Variants in AMER2 observed in about 807,000 individuals in gnomAD.
The protein encoded by AMER2 is family with sequence similarity 123A.
Under a neutral mutation model 4.7 loss-of-function variants are expected in AMER2, and 1 was observed. That is an observed-to-expected ratio of 0.21 (90% CI 0.07 to 1.00). The LOEUF is 1.00. Among genes scored for constraint, AMER2 ranks in the 50% least tolerant of loss-of-function variants. The probability of loss-of-function intolerance (pLI) is 0.60; values close to 1 mark genes in which losing one functional copy is unlikely to be tolerated. For synonymous variants in AMER2, 485 were observed against 433.3 expected, an observed-to-expected ratio of 1.12 and a Z score of -1.48; for missense variants, 988 against 966.9, an observed-to-expected ratio of 1.02 and a Z score of -0.29.
At position 25,171,702 on chromosome 13, in the gene AMER2, C is replaced by T; in HGVS notation, c.-83G>A. ...CACCCGTATTCTAAATCAACCTGAG[C>T]CGCGCTCGCCGCCGCCGCTGCAAAA... is the stretch of plus-strand genomic sequence containing the variant. On this transcript the variant is annotated 5_prime_UTR_variant, in exon 1 of 1. Coordinates refer to ENST00000515384, the MANE Select transcript of AMER2 (RefSeq NM_152704.4). The surrounding 1 kb of genome is among the most constrained non-coding windows in gnomAD (Gnocchi z 5.9). 1 of 1,411,828 alleles carries T rather than the reference C, an allele frequency of 7.1e-7. No individual in the cohort carries two copies. Among genetic ancestry groups the T allele is most frequent in the East Asian group, 2.8e-5 (1 of 36,270 alleles). 87.5% of individuals were successfully genotyped at this position (1,411,828 alleles called of 1,614,324 possible).
Position 25,170,920 on chromosome 13 carries a change from G to A in AMER2, c.700C>T (p.Leu234=). The A allele has an allele frequency of 6.7e-7, 1 of 1,486,282 alleles. No individual in the cohort carries two copies. 92.1% of individuals were successfully genotyped at this position (1,486,282 alleles called of 1,614,324 possible). ...LILPGSLTAS[L]ECVKEETPRA... ...GGCGTCTCCTCCTTGACGCACTCCA[G>A]GCTGGCGGTGAGCGAGCCGGGTAGG... Residue 234 remains leucine (L), a synonymous_variant, in exon 1 of 1, where the codon CTG becomes TTG. Transcript: ENST00000515384. This position sits in a 1 kb window ranked among gnomAD's most constrained non-coding sequence, Gnocchi z 7.3.
rs1381486378 is a variant in AMER2 at position 25,165,915 on chromosome 13, G to A, written c.*3689C>T. The stretch of plus-strand genomic sequence containing the variant: ...GTCACTGCTGTCTGAGGGCACTTAG[G>A]AGACATGAGCTGCCTGAGTGGATCT... On this transcript the variant is annotated 3_prime_UTR_variant, in exon 1 of 1. Transcript: ENST00000515384. 1 of 152,250 alleles carries A rather than the reference G, an allele frequency of 6.6e-6. No homozygotes were observed. Among genetic ancestry groups the A allele is most frequent in the Non-Finnish European group, 1.5e-5 (1 of 68,042 alleles). The allele number at this position is 152,250 out of a possible 1,614,324, so 9.4% of individuals were successfully genotyped here. A position where few individuals can be genotyped will look rare whatever the true frequency, so the allele number is the denominator to read the frequency against.
In AMER2 at chr13:25,168,515, C is replaced by A. The variant is rs1024936949; in HGVS notation, c.*1089G>T. The A allele has an allele frequency of 6.7e-6, 1 of 148,844 alleles. No individual in the cohort carries two copies. Among genetic ancestry groups the A allele is most frequent in the Non-Finnish European group, 1.5e-5 (1 of 67,336 alleles). 9.2% of individuals were successfully genotyped at this position (148,844 alleles called of 1,614,324 possible). ...GAGCCATTCCTCTGGGACACCAGCA[C>A]AATAGATTTTTTTTTTTTTTGAGAA... On this transcript the variant is annotated 3_prime_UTR_variant, in exon 1 of 1. Transcript: ENST00000515384.
In AMER2 at chr13:25,169,785, A is replaced by T; in HGVS notation, c.1835T>A (p.Ile612Asn). The T allele has an allele frequency of 6.2e-7, 1 of 1,614,138 alleles. No homozygotes were observed. The highest frequency in any genetic ancestry group is 8.5e-7 in the Non-Finnish European group (1 of 1,180,010). ...AGATGGAAGGTTGGTCAGGTGCTTG[A>T]TGCTAATAGGGATCTTAGAGTCCTT... ...LLKDSKIPIS[I>N]KHLTNLPSSH... Residue 612 changes from isoleucine (I) to asparagine (N), a missense_variant, in exon 1 of 1, where the codon ATC becomes AAC. By Grantham distance (149) the Ile-to-Asn change is moderately radical. Coordinates refer to ENST00000515384, the MANE Select transcript of AMER2 (RefSeq NM_152704.4). This position sits in a 1 kb window ranked among gnomAD's most constrained non-coding sequence, Gnocchi z 4.2.
rs1255933626 is a variant in AMER2, at chr13:25,171,593, G to A, written c.27C>T (p.Gly9=). The part of the protein sequence containing the change: METSRSRG[G]GGAVSERGGA... ...CGCCGCGCTCGCTGACAGCCCCGCC[G>A]CCGCCGCGGCTCCGGCTCGTCTCCA... Residue 9 remains glycine, a synonymous_variant, in exon 1 of 1, where the codon GGC becomes GGT. Transcript: ENST00000515384. The surrounding 1 kb of genome is among the most constrained non-coding windows in gnomAD (Gnocchi z 5.9). 9.4e-5 allele frequency: 141 copies of A among 1,501,678 alleles called. No homozygotes were observed. The highest frequency in any genetic ancestry group is 1.1e-4 in the Non-Finnish European group (129 of 1,139,368). 93.0% of individuals were successfully genotyped at this position (1,501,678 alleles called of 1,614,324 possible).
In AMER2 at chr13:25,164,042, T is replaced by G. The variant is rs1338292920; in HGVS notation, c.*5562A>C. Reference sequence around the variant, plus strand: ...ATCACTTGAACCTGGGAGGTGGAGGTTATAGTGAGCCGAGATCAAGCCACT... The same window carrying G: ...ATCACTTGAACCTGGGAGGTGGAGGGTATAGTGAGCCGAGATCAAGCCACT... On this transcript the variant is annotated 3_prime_UTR_variant, in exon 1 of 1. Transcript: ENST00000515384. 4.8e-5 allele frequency: 7 copies of G among 145,830 alleles called. No homozygotes were observed. Among genetic ancestry groups the G allele is most frequent in the Admixed American group, 4.8e-4 (7 of 14,666 alleles). The allele number at this position is 145,830 out of a possible 1,614,324, so 9.0% of individuals were successfully genotyped here.
chr13:25,171,538 T>C lies in AMER2; in HGVS notation c.82A>G (p.Arg28Gly), dbSNP rs1297221272. Reference protein sequence around the residue: ...GAGASVGVCRRKAEAGAGTGT... With the variant: ...GAGASVGVCRGKAEAGAGTGT... Reference sequence around the variant, plus strand: ...GTCCCGGCCCCGGCCTCCGCCTTCCTCCTGCAGACCCCCACGGACGCGCCA... The same window carrying C: ...GTCCCGGCCCCGGCCTCCGCCTTCCCCCTGCAGACCCCCACGGACGCGCCA... The change falls in exon 1 of 1, where the codon AGG becomes GGG. Residue 28 changes from arginine to glycine, a missense_variant. Arg to Gly is a moderately radical substitution (Grantham distance 125). Coordinates refer to ENST00000515384, the MANE Select transcript of AMER2 (RefSeq NM_152704.4). This position sits in a 1 kb window ranked among gnomAD's most constrained non-coding sequence, Gnocchi z 5.9. The C allele has an allele frequency of 1.3e-6, 2 of 1,587,972 alleles. No individual in the cohort carries two copies. Among genetic ancestry groups the C allele is most frequent in the Non-Finnish European group, 1.7e-6 (2 of 1,173,736 alleles).
rs892512187 is a variant in AMER2, at chr13:25,166,682, T to C, written c.*2922A>G. The C allele has an allele frequency of 9.2e-5, 14 of 152,194 alleles. No individual in the cohort carries two copies. Among genetic ancestry groups the C allele is most frequent in the African/African-American group, 3.1e-4 (13 of 41,442 alleles). 9.4% of individuals were successfully genotyped at this position (152,194 alleles called of 1,614,324 possible). On this transcript the variant is annotated 3_prime_UTR_variant, in exon 1 of 1. Coordinates refer to ENST00000515384, the MANE Select transcript of AMER2 (RefSeq NM_152704.4). ...CCTTCCCTTAAAAAGTCAGCAAATA[T>C]GGGCCTGAATAATCTTCACAAGGTC...
rs1461663933 is a variant in AMER2, at chr13:25,171,756, C to T, written c.-137G>A. ...ACACACATAAAAGACCATCTTCCCT[C>T]CCGCAAGGGCTTATATAATACCCTA... On this transcript the variant is annotated 5_prime_UTR_variant, in exon 1 of 1. Transcript: ENST00000515384. This position sits in a 1 kb window ranked among gnomAD's most constrained non-coding sequence, Gnocchi z 5.9. The T allele has an allele frequency of 2.1e-6, 3 of 1,400,348 alleles. No individual in the cohort carries two copies. The highest frequency in any genetic ancestry group is 9.2e-7 in the Non-Finnish European group (1 of 1,086,298). The allele number at this position is 1,400,348 out of a possible 1,614,324, so 86.7% of individuals were successfully genotyped here. A position where few individuals can be genotyped will look rare whatever the true frequency, so the allele number is the denominator to read the frequency against.
In AMER2 at chr13:25,165,964, G is replaced by A. The variant is rs1190696944; in HGVS notation, c.*3640C>T. Reference sequence around the variant, plus strand: ...CTCTTCACACCAAGCTAACAGTCAAGAGTTGCCTTTAAAATTAATCTGACA... The same window carrying A: ...CTCTTCACACCAAGCTAACAGTCAAAAGTTGCCTTTAAAATTAATCTGACA... On this transcript the variant is annotated 3_prime_UTR_variant, in exon 1 of 1. Coordinates refer to ENST00000515384, the MANE Select transcript of AMER2 (RefSeq NM_152704.4). The A allele has an allele frequency of 6.6e-6, 1 of 152,234 alleles. No homozygotes were observed. The highest frequency in any genetic ancestry group is 2.4e-5 in the African/African-American group (1 of 41,454). 9.4% of individuals were successfully genotyped at this position (152,234 alleles called of 1,614,324 possible). A position where few individuals can be genotyped will look rare whatever the true frequency, so the allele number is the denominator to read the frequency against.
Position 25,162,290 on chromosome 13 carries a change from G to T in AMER2, c.*7314C>A, listed in dbSNP as rs963304417. ...CACTGAGATACTTTATATAAATAAC[G>T]TGGGCGAAACCTGAAGTTCACAATG... On this transcript the variant is annotated 3_prime_UTR_variant, in exon 1 of 1. Coordinates refer to ENST00000515384, the MANE Select transcript of AMER2 (RefSeq NM_152704.4). 1.3e-5 allele frequency: 2 copies of T among 151,996 alleles called. No homozygotes were observed. The highest frequency in any genetic ancestry group is 2.9e-5 in the Non-Finnish European group (2 of 68,022). 9.4% of individuals were successfully genotyped at this position (151,996 alleles called of 1,614,324 possible). A position where few individuals can be genotyped will look rare whatever the true frequency, so the allele number is the denominator to read the frequency against.
rs762081051 is a variant in AMER2, at chr13:25,169,846, T to G, written c.1774A>C (p.Ile592Leu). 3.1e-6 allele frequency: 5 copies of G among 1,613,980 alleles called. No homozygotes were observed. The South Asian group carries it at 5.5e-5, about 18-fold the overall frequency. The change falls in exon 1 of 1, where the codon ATC becomes CTC. Residue 592 changes from isoleucine (I) to leucine (L), a missense_variant. Ile to Leu is a conservative substitution (Grantham distance 5, BLOSUM62 2). Transcript: ENST00000515384. The surrounding 1 kb of genome is among the most constrained non-coding windows in gnomAD (Gnocchi z 4.2). ...SRLKPVSPGT[I>L]TCPLRTPGSL... is the part of the protein sequence containing the mutation. ...CCTGGTGTTCGCAGTGGACAGGTGA[T>G]GGTGCCTGGAGATACGGGCTTTAAC...
Position 25,170,876 on chromosome 13 carries a change from C to A in AMER2, c.744G>T (p.Pro248=). 1 of 1,457,736 alleles carries A rather than the reference C, an allele frequency of 6.9e-7. No individual in the cohort carries two copies. The highest frequency in any genetic ancestry group is 9.0e-7 in the Non-Finnish European group (1 of 1,113,176). The allele number at this position is 1,457,736 out of a possible 1,614,324, so 90.3% of individuals were successfully genotyped here. Residue 248 remains proline (P), a synonymous_variant, in exon 1 of 1, where the codon CCG becomes CCT. Transcript: ENST00000515384. The surrounding 1 kb of genome is among the most constrained non-coding windows in gnomAD (Gnocchi z 7.3). ...KEETPRAARE[P]EEPSQDAPRD... is the part of the protein sequence containing the mutation. The stretch of plus-strand genomic sequence containing the variant: ...GCGGGGCGTCCTGGCTGGGCTCCTC[C>A]GGCTCGCGCGCGGCTCTGGGCGTCT...
Position 25,170,409 on chromosome 13 carries a change from C to T in AMER2, c.1211G>A (p.Gly404Asp), listed in dbSNP as rs766770768. The T allele has an allele frequency of 1.2e-6, 2 of 1,614,102 alleles. No individual in the cohort carries two copies. Among genetic ancestry groups the T allele is most frequent in the Non-Finnish European group, 1.7e-6 (2 of 1,179,988 alleles). ...PSCDKHVPGP[G>D]KPALSKKNPG... ...GTTCTTTTTAGACAGAGCCGGCTTG[C>T]CTGGCCCGGGGACATGCTTGTCACA... The change falls in exon 1 of 1, where the codon GGC becomes GAC. Residue 404 changes from glycine (G) to aspartate (D), a missense_variant. Transcript: ENST00000515384. This position sits in a 1 kb window ranked among gnomAD's most constrained non-coding sequence, Gnocchi z 7.3.
rs1332393165 is a variant in AMER2, at chr13:25,170,319, G to T, written c.1301C>A (p.Thr434Asn). The T allele has an allele frequency of 6.2e-7, 1 of 1,613,900 alleles. No homozygotes were observed. The highest frequency in any genetic ancestry group is 2.2e-5 in the East Asian group (1 of 44,828). The change falls in exon 1 of 1, where the codon ACC (threonine) becomes AAC (asparagine). Residue 434 changes from threonine to asparagine, a missense_variant. Physicochemically the swap from Thr to Asn is moderately conservative, Grantham distance 65. Coordinates refer to ENST00000515384, the MANE Select transcript of AMER2 (RefSeq NM_152704.4). This position sits in a 1 kb window ranked among gnomAD's most constrained non-coding sequence, Gnocchi z 7.3. Reference protein sequence around the residue: ...EMASPDEVDDTYLQEFWDMLS... With the variant: ...EMASPDEVDDNYLQEFWDMLS... ...CATGTCCCAGAACTCCTGTAGATAGGTGTCGTCCACCTCGTCCGGGCTGGC... is the reference window on the plus strand; with the variant it reads ...CATGTCCCAGAACTCCTGTAGATAGTTGTCGTCCACCTCGTCCGGGCTGGC...
In AMER2 at chr13:25,162,920, T is replaced by C. The variant is rs1050762175; in HGVS notation, c.*6684A>G. 1.3e-5 allele frequency: 2 copies of C among 152,224 alleles called. No homozygotes were observed. Among genetic ancestry groups the C allele is most frequent in the East Asian group, 3.8e-4 (2 of 5,204 alleles). The allele number at this position is 152,224 out of a possible 1,614,324, so 9.4% of individuals were successfully genotyped here. A position where few individuals can be genotyped will look rare whatever the true frequency, so the allele number is the denominator to read the frequency against. ...ATCCTCTCTGGCAACATAGTAAACA[T>C]ACAGGATATGTTAGTAGAATTCAAT... is the stretch of plus-strand genomic sequence containing the variant. On this transcript the variant is annotated 3_prime_UTR_variant, in exon 1 of 1. Transcript: ENST00000515384.
rs757730969 is a variant in AMER2, at chr13:25,171,663, C to T, written c.-44G>A. 2.7e-4 allele frequency: 384 copies of T among 1,436,166 alleles called. No individual in the cohort carries two copies. Among genetic ancestry groups the T allele is most frequent in the Non-Finnish European group, 3.3e-5 (37 of 1,105,946 alleles). 89.0% of individuals were successfully genotyped at this position (1,436,166 alleles called of 1,614,324 possible). A position where few individuals can be genotyped will look rare whatever the true frequency, so the allele number is the denominator to read the frequency against. ...GCCGCTTTCGTCAGCAGTGGGCTCG[C>T]GCCAGGCCACTGTCACCCGTATTCT... On this transcript the variant is annotated 5_prime_UTR_variant, in exon 1 of 1. Transcript: ENST00000515384. The surrounding 1 kb of genome is among the most constrained non-coding windows in gnomAD (Gnocchi z 5.9).
rs2137447921 is a variant in AMER2 at position 25,170,884 on chromosome 13, G to T, written c.736C>A (p.Arg246Ser). 1 of 1,456,810 alleles carries T rather than the reference G, an allele frequency of 6.9e-7. No homozygotes were observed. Among genetic ancestry groups the T allele is most frequent in the South Asian group, 1.4e-5 (1 of 69,428 alleles). 90.2% of individuals were successfully genotyped at this position (1,456,810 alleles called of 1,614,324 possible). A position where few individuals can be genotyped will look rare whatever the true frequency, so the allele number is the denominator to read the frequency against. The change falls in exon 1 of 1, where the codon CGC becomes AGC. Residue 246 changes from arginine to serine, a missense_variant. Transcript: ENST00000515384. The surrounding 1 kb of genome is among the most constrained non-coding windows in gnomAD (Gnocchi z 7.3). ...TCCTGGCTGGGCTCCTCCGGCTCGC[G>T]CGCGGCTCTGGGCGTCTCCTCCTTG... is the stretch of plus-strand genomic sequence containing the variant. Reference protein sequence around the residue: ...CVKEETPRAAREPEEPSQDAP... With the variant: ...CVKEETPRAASEPEEPSQDAP...
rs746237286 is a variant in AMER2 at position 25,171,578 on chromosome 13, G to T, written c.42C>A (p.Ser14Arg). 7.2e-6 allele frequency: 11 copies of T among 1,527,590 alleles called. No individual in the cohort carries two copies. Among genetic ancestry groups the T allele is most frequent in the Non-Finnish European group, 9.6e-6 (11 of 1,150,710 alleles). The allele number at this position is 1,527,590 out of a possible 1,614,324, so 94.6% of individuals were successfully genotyped here. ...CGGACGCGCCAGCTCCGCCGCGCTC[G>T]CTGACAGCCCCGCCGCCGCCGCGGC... Reference protein sequence around the residue: ...SRSRGGGGAVSERGGAGASVG... With the variant: ...SRSRGGGGAVRERGGAGASVG... The change falls in exon 1 of 1, where the codon AGC becomes AGA. Residue 14 changes from serine to arginine, a missense_variant. Ser to Arg is a moderately radical substitution (Grantham distance 110). Coordinates refer to ENST00000515384, the MANE Select transcript of AMER2 (RefSeq NM_152704.4). The surrounding 1 kb of genome is among the most constrained non-coding windows in gnomAD (Gnocchi z 5.9).
Sources: allele counts gnomAD v4.1 joint callset, GRCh38; gene constraint gnomAD v4.1.1; non-coding constraint Gnocchi (gnomAD v3.1); transcripts MANE v1.5; gene names NCBI Gene and HGNC (gene_info 2026-07-23, HGNC 2026-07-21).